The following CARMIL1 variants were observed in gnomAD, a reference collection of about 807,000 sequenced individuals.
CARMIL1 encodes the protein capping protein regulator and myosin 1 linker 1.
Under a neutral mutation model 177.1 loss-of-function variants are expected in CARMIL1, and 90 were observed. The ratio of observed to expected loss-of-function variants is 0.51; its 90% confidence interval spans 0.43 to 0.61. The LOEUF is 0.61. CARMIL1 is among the 20% of genes least tolerant of loss of function. The pLI is 0.00. For synonymous variants in CARMIL1, 577 were observed against 606.2 expected, an observed-to-expected ratio of 0.95 and a Z score of 0.71; for missense variants, 1,380 against 1,667.0, an observed-to-expected ratio of 0.83 and a Z score of 3.00.
At chr6:25,405,998 TG>T (rs1294458205) in intron 2 of CARMIL1, among the ~76,000 whole-genome samples, 2 of 152,194 alleles carry the variant, frequency 1.3e-5, no homozygotes, top group Admixed American at 1.3e-4. Flanking sequence ...AACAGATATT[TG>T]AACACCTATT....
chr6:25,434,594 GCT>G (rs1183271751), intron 4 of CARMIL1, among the ~76,000 whole-genome samples: 1 of 147,752 alleles, frequency 6.8e-6, no homozygotes, highest in Non-Finnish European at 1.5e-5. Context: ...CACGATCTCG[GCT>G]CCCTGCAACC....
intron 2 of CARMIL1, among the ~76,000 whole-genome samples, chr6:25,416,183 A>G (rs1795342911): frequency 6.6e-6 from 1 of 152,044 alleles, no homozygotes; most frequent in South Asian, 2.1e-4. Context: ...ATATCCAAAC[A>G]TCTCTCATTG....
chr6:25,464,300 T>A (rs572094529), intron 8 of CARMIL1, among the ~76,000 whole-genome samples: 1 of 152,314 alleles, frequency 6.6e-6, no homozygotes, highest in South Asian at 2.1e-4. Flanking sequence ...AAAGCATGTC[T>A]ATTGAAACTG....
At chr6:25,502,719 G>C (rs1343949328) in intron 17 of CARMIL1, among the ~76,000 whole-genome samples, 1 of 152,154 alleles carries the variant, frequency 6.6e-6, no homozygotes, top group African/African-American at 2.4e-5. Flanking sequence ...ATGGGCATAA[G>C]TGATCATCTG....
At chr6:25,431,346 G>T (rs72831263) in intron 4 of CARMIL1, among the ~76,000 whole-genome samples, 1 of 151,996 alleles carries the variant, frequency 6.6e-6, no homozygotes, top group East Asian at 1.9e-4. Context: ...TTGTCACTAT[G>T]TTTTTTGAGA....
At chr6:25,555,964 A>G (rs1810574692) in intron 28 of CARMIL1, among the ~76,000 whole-genome samples, 1 of 152,154 alleles carries the variant, frequency 6.6e-6, no homozygotes, top group African/African-American at 2.4e-5. Flanking sequence ...TTTTAACATT[A>G]ATACTGCTGA....
At chr6:25,408,622 G>T (rs892327558) in intron 2 of CARMIL1, among the ~76,000 whole-genome samples, 1 of 152,090 alleles carries the variant, frequency 6.6e-6, no homozygotes, top group Non-Finnish European at 1.5e-5. Context: ...AAAATCATTC[G>T]TGCTTGTAAG....
At chr6:25,371,906 C>T (rs1790461273) in intron 2 of CARMIL1, among the ~76,000 whole-genome samples, 1 of 152,172 alleles carries the variant, frequency 6.6e-6, no homozygotes, top group Non-Finnish European at 1.5e-5. Context: ...AGTCTTTGAT[C>T]CATCTTGAGT....
rs550213733 is a variant in CARMIL1, at chr6:25,386,193, A to G, written c.139-33921A>G. ...CACTGGTTATTTGCAGTGTCAAAGC[A>G]GTTACCTTGGTATGATATAAGGACA... On this transcript the variant is annotated intron_variant, in intron 2 of 36. Coordinates refer to ENST00000329474, the MANE Select transcript of CARMIL1 (RefSeq NM_017640.6). 5.3e-5 allele frequency among the ~76,000 whole-genome samples: 8 copies of G among 152,314 alleles called. No individual in the cohort carries two copies. The East Asian group carries it at 1.2e-3, about 22-fold the overall frequency.
intron 2 of CARMIL1, among the ~76,000 whole-genome samples, chr6:25,336,468 G>C (rs1786250706): frequency 6.6e-6 from 1 of 152,184 alleles, no homozygotes. Context: ...AGGTTGCCTG[G>C]GTTCAAACCC....
intron 21 of CARMIL1, among the ~76,000 whole-genome samples, chr6:25,516,633 C>T (rs996850788): frequency 2.6e-5 from 4 of 152,080 alleles, no homozygotes; most frequent in Non-Finnish European, 4.4e-5. Flanking sequence ...GTTGTGAGGC[C>T]GGGATCATCC....
At chr6:25,481,085 C>G (rs1207656201) in intron 11 of CARMIL1, among the ~76,000 whole-genome samples, 2 of 151,398 alleles carry the variant, frequency 1.3e-5, no homozygotes, top group Non-Finnish European at 2.9e-5. Context: ...TTTCCCACAT[C>G]AACTTGTTAG....
At chr6:25,371,442 A>G (rs115053227) in intron 2 of CARMIL1, among the ~76,000 whole-genome samples, 4,431 of 152,232 alleles carry the variant, frequency 0.029, 80 homozygotes, top group Middle Eastern at 0.095. Context: ...CCTTTTTAGT[A>G]ATGGCCATTC....
chr6:25,580,522 C>G (rs77773490), intron 29 of CARMIL1, among the ~76,000 whole-genome samples: 2,857 of 152,256 alleles, frequency 0.019, 73 homozygotes, highest in African/African-American at 0.059. Context: ...TGATGTGACA[C>G]AGAAAGAGGT....
intron 15 of CARMIL1, among the ~76,000 whole-genome samples, chr6:25,494,670 C>T (rs1803526173): frequency 6.6e-6 from 1 of 152,220 alleles, no homozygotes; most frequent in Non-Finnish European, 1.5e-5. Context: ...TTTAGCTCAA[C>T]ATCAGATCAC....
intron 23 of CARMIL1, among the ~76,000 whole-genome samples, chr6:25,523,275 T>C (rs1218027913): frequency 1.3e-5 from 2 of 152,242 alleles, no homozygotes; most frequent in African/African-American, 4.8e-5. Context: ...TTTATTTTTT[T>C]CAACTGTATA....
intron 4 of CARMIL1, among the ~76,000 whole-genome samples, chr6:25,426,868 T>C (rs972908381): frequency 6.6e-6 from 1 of 152,208 alleles, no homozygotes; most frequent in Admixed American, 6.5e-5. Context: ...AGCAATTGTA[T>C]AGTACTATAT....
At chr6:25,475,018 T>A (rs1801413086) in intron 11 of CARMIL1, among the ~76,000 whole-genome samples, 1 of 152,124 alleles carries the variant, frequency 6.6e-6, no homozygotes, top group Non-Finnish European at 1.5e-5. Flanking sequence ...AAAATAAGTC[T>A]TAGAAAGGAT....
chr6:25,566,996 C>G (rs1454244056), intron 29 of CARMIL1, among the ~76,000 whole-genome samples: 1 of 152,336 alleles, frequency 6.6e-6, no homozygotes, highest in Non-Finnish European at 1.5e-5. Flanking sequence ...CCCACTGTAA[C>G]CAGTGCTTTG....
Sources: gnomAD v4.1 joint callset for allele counts (sites outside exome capture counted in the v4.1 genomes callset) on GRCh38, gnomAD v4.1.1 for gene constraint, MANE v1.5 for transcripts, NCBI Gene and HGNC (gene_info 2026-07-23, HGNC 2026-07-21) for gene names.